Variants in ST3GAL4 observed in about 807,000 individuals in gnomAD.
ST3GAL4 encodes CMP-N-acetylneuraminate-beta-galactosamide-alpha-2,3-sialyltransferase 4.
A neutral mutation model predicts 42.6 loss-of-function variants in ST3GAL4; 24 were observed. That is an observed-to-expected ratio of 0.56 (90% confidence interval 0.41 to 0.79). ST3GAL4 has a LOEUF of 0.79. Among genes scored for constraint, ST3GAL4 ranks in the 30% least tolerant of loss-of-function variants. ST3GAL4 has a pLI of 0.00. For synonymous variants in ST3GAL4, 135 were observed against 163.2 expected, an observed-to-expected ratio of 0.83 and a Z score of 1.32; for missense variants, 311 against 430.8, an observed-to-expected ratio of 0.72 and a Z score of 2.46.
intron 1 of ST3GAL4, among the ~76,000 whole-genome samples, chr11:126,402,486 T>G (rs1954050160): frequency 6.8e-6 from 1 of 147,792 alleles, no homozygotes; most frequent in East Asian, 2.0e-4. Flanking sequence ...GAAGAAGAAC[T>G]GAGGACAGTA....
intron 10 of ST3GAL4, 107 bp downstream of exon 10, chr11:126,413,755 C>T: frequency 6.5e-7 from 1 of 1,532,504 alleles, no homozygotes; most frequent in Non-Finnish European, 8.9e-7. Flanking sequence ...GTGGCTCCCG[C>T]AGTCAGAACT....
intron 1 of ST3GAL4, among the ~76,000 whole-genome samples, chr11:126,369,598 G>A (rs541794775): frequency 2.0e-5 from 3 of 152,226 alleles, no homozygotes; most frequent in African/African-American, 4.8e-5. Context: ...CCTGAGACCC[G>A]GAAAGGTCAT....
chr11:126,391,963 GTGTGTGTGTA>G lies in ST3GAL4; in HGVS notation c.-60-14117_-60-14108del, dbSNP rs1378137821. Among the ~76,000 whole-genome samples, 319 of 151,098 alleles carry G rather than the reference GTGTGTGTGTA, an allele frequency of 2.1e-3. 3 individuals are homozygous for G. Among genetic ancestry groups the G allele is most frequent in the African/African-American group, 6.2e-3 (253 of 40,774 alleles). ...TGTGTGTGTGTGTGTGTGTGTGTGT[GTGTGTGTGTA>G]TGTGTGTGTATGTGTATATATAAAA... On this transcript the variant is annotated intron_variant, in intron 1 of 10. Coordinates refer to ENST00000444328, the MANE Select transcript of ST3GAL4 (RefSeq NM_001254757.2). This position sits in a 1 kb window ranked among gnomAD's most constrained non-coding sequence, Gnocchi z 5.5.
Position 126,397,810 on chromosome 11 carries a change from C to G in ST3GAL4, c.-60-8286C>G, listed in dbSNP as rs11827374. Among the ~76,000 whole-genome samples, 1 of 152,106 alleles carries G rather than the reference C, an allele frequency of 6.6e-6. No homozygotes were observed. Among genetic ancestry groups the G allele is most frequent in the African/African-American group, 2.4e-5 (1 of 41,424 alleles). On this transcript the variant is annotated intron_variant, in intron 1 of 10. Transcript: ENST00000444328. This position sits in a 1 kb window ranked among gnomAD's most constrained non-coding sequence, Gnocchi z 5.0. ...AGAGAGCAGGAAGGGGCCTAATTGTCCTTTTATAAGGAACCCACTCCTGTA... is the reference window on the plus strand; with the variant it reads ...AGAGAGCAGGAAGGGGCCTAATTGTGCTTTTATAAGGAACCCACTCCTGTA...
chr11:126,408,575 T>C, intron 8 of ST3GAL4, 79 bp downstream of exon 8: 1 of 1,524,926 alleles, frequency 6.6e-7, no homozygotes, highest in Non-Finnish European at 8.9e-7. Context: ...CTCCTTGATG[T>C]CCGCCTGGCA....
chr11:126,366,714 C>G lies in ST3GAL4; in HGVS notation c.-61+10872C>G, dbSNP rs892748848. Among the ~76,000 whole-genome samples the G allele has an allele frequency of 6.6e-6, 1 of 152,190 alleles. No homozygotes were observed. Among genetic ancestry groups the G allele is most frequent in the Non-Finnish European group, 1.5e-5 (1 of 68,038 alleles). Reference sequence around the variant, plus strand: ...CAGGTCTGGAAACATCCTTGTTCATCAAGCACCAGGCTGACCATGGTGTCC... The same window carrying G: ...CAGGTCTGGAAACATCCTTGTTCATGAAGCACCAGGCTGACCATGGTGTCC... On this transcript the variant is annotated intron_variant, in intron 1 of 10. Coordinates refer to ENST00000444328, the MANE Select transcript of ST3GAL4 (RefSeq NM_001254757.2). This position sits in a 1 kb window ranked among gnomAD's most constrained non-coding sequence, Gnocchi z 4.2.
At chr11:126,408,254 G>A (rs943641157) in intron 7 of ST3GAL4, 53 bp from the exon 8 acceptor site, 1 of 1,612,672 alleles carries the variant, frequency 6.2e-7, no homozygotes, top group African/African-American at 1.3e-5. Flanking sequence ...GCCAGGGACT[G>A]TAGACAGGCC....
rs772697675 is a variant in ST3GAL4 at position 126,408,202 on chromosome 11, T to C, written c.437+8T>C. On this transcript the variant is annotated splice_region_variant and intron_variant, in intron 7 of 10. Transcript: ENST00000444328. ...GTACGATGTGGTCATCAGGTGTGTGTGACTGTCTCTTCCTACTGTTGTTTG... is the reference window on the plus strand; with the variant it reads ...GTACGATGTGGTCATCAGGTGTGTGCGACTGTCTCTTCCTACTGTTGTTTG... 1 of 1,614,076 alleles carries C rather than the reference T, an allele frequency of 6.2e-7. No individual in the cohort carries two copies. The highest frequency in any genetic ancestry group is 8.5e-7 in the Non-Finnish European group (1 of 1,179,950).
chr11:126,387,764 TTTCTC>T (rs71886473), intron 1 of ST3GAL4, among the ~76,000 whole-genome samples: 18,633 of 152,032 alleles, frequency 0.12, 1,250 homozygotes, highest in Middle Eastern at 0.17. Flanking sequence ...CCCCAGGACT[TTTCTC>T]TTGAGAGGCC....
In ST3GAL4 at chr11:126,383,107, G is replaced by A. The variant is rs2135448952; in HGVS notation, c.-60-22989G>A. On this transcript the variant is annotated intron_variant, in intron 1 of 10. Coordinates refer to ENST00000444328, the MANE Select transcript of ST3GAL4 (RefSeq NM_001254757.2). The surrounding 1 kb of genome is among the most constrained non-coding windows in gnomAD (Gnocchi z 4.5). ...GGCAGCAGGCTCTGCAGTACCCTCG[G>A]CCAAATGGCCACAGGCTGCCCTGGG... 6.6e-6 allele frequency among the ~76,000 whole-genome samples: 1 copy of A among 152,302 alleles called. No individual in the cohort carries two copies. Among genetic ancestry groups the A allele is most frequent in the South Asian group, 2.1e-4 (1 of 4,832 alleles).
intron 1 of ST3GAL4, among the ~76,000 whole-genome samples, chr11:126,375,282 A>G (rs566276319): frequency 6.6e-6 from 1 of 152,344 alleles, no homozygotes; most frequent in Admixed American, 6.5e-5. Flanking sequence ...TGTGGGGGCT[A>G]GAGACTGTGT....
Position 126,359,241 on chromosome 11 carries a change from C to T in ST3GAL4, c.-61+3399C>T, listed in dbSNP as rs1353237118. ...TAATGAAAATGGCCTCAGCAAATAA[C>T]AAAAATATTACCATTTAGCAATCAG... On this transcript the variant is annotated intron_variant, in intron 1 of 10. Transcript: ENST00000444328. This position sits in a 1 kb window ranked among gnomAD's most constrained non-coding sequence, Gnocchi z 4.8. Among the ~76,000 whole-genome samples the T allele has an allele frequency of 2.7e-5, 4 of 150,818 alleles. No individual in the cohort carries two copies. Among genetic ancestry groups the T allele is most frequent in the Non-Finnish European group, 4.4e-5 (3 of 67,830 alleles).
In ST3GAL4 at chr11:126,373,494, C is replaced by G. The variant is rs778376308; in HGVS notation, c.-61+17652C>G. 1.3e-5 allele frequency among the ~76,000 whole-genome samples: 2 copies of G among 152,184 alleles called. No individual in the cohort carries two copies. The highest frequency in any genetic ancestry group is 2.9e-5 in the Non-Finnish European group (2 of 68,020). On this transcript the variant is annotated intron_variant, in intron 1 of 10. Coordinates refer to ENST00000444328, the MANE Select transcript of ST3GAL4 (RefSeq NM_001254757.2). The surrounding 1 kb of genome is among the most constrained non-coding windows in gnomAD (Gnocchi z 5.5). ...TGGAATTCAAAGCCTCTGCCCCTCC[C>G]AGGCAGACACCAAGGTATGATTTTC...
chr11:126,401,564 A>T (rs1162206048), intron 1 of ST3GAL4, among the ~76,000 whole-genome samples: 1 of 151,286 alleles, frequency 6.6e-6, no homozygotes, highest in African/African-American at 2.4e-5. Flanking sequence ...TCAGAAAAAA[A>T]AAAAGAAGAA....
chr11:126,413,858 G>A, intron 10 of ST3GAL4, 103 bp from the exon 11 acceptor site: 1 of 1,442,846 alleles, frequency 6.9e-7, no homozygotes, highest in Non-Finnish European at 9.6e-7. Context: ...GGGGAAGGGA[G>A]CTCCCAAGAA....
intron 1 of ST3GAL4, chr11:126,356,362 C>T (rs1214463222): frequency 6.6e-6 from 1 of 152,408 alleles, no homozygotes; most frequent in Non-Finnish European, 1.5e-5. Flanking sequence ...TTATGGGGGT[C>T]GTCAGGCCTA....
chr11:126,370,324 A>G (rs952516214), intron 1 of ST3GAL4, among the ~76,000 whole-genome samples: 12 of 152,198 alleles, frequency 7.9e-5, no homozygotes, highest in African/African-American at 2.9e-4. Context: ...TGCTGTTACT[A>G]TTTGTGAAAA....
In ST3GAL4 at chr11:126,376,014, A is replaced by C. The variant is rs564524803; in HGVS notation, c.-61+20172A>C. The stretch of plus-strand genomic sequence containing the variant: ...TATTATTGTTTGTCAAATGTGTATA[A>C]AACATCTGCCACATTCTTGGCAGTT... On this transcript the variant is annotated intron_variant, in intron 1 of 10. Coordinates refer to ENST00000444328, the MANE Select transcript of ST3GAL4 (RefSeq NM_001254757.2). This position sits in a 1 kb window ranked among gnomAD's most constrained non-coding sequence, Gnocchi z 5.1. 6.6e-6 allele frequency among the ~76,000 whole-genome samples: 1 copy of C among 152,270 alleles called. No homozygotes were observed. The highest frequency in any genetic ancestry group is 6.5e-5 in the Admixed American group (1 of 15,290).
intron 1 of ST3GAL4, among the ~76,000 whole-genome samples, chr11:126,385,039 G>A (rs2135456658): frequency 6.6e-6 from 1 of 152,244 alleles, no homozygotes; most frequent in East Asian, 1.9e-4. Flanking sequence ...TTAAATACCA[G>A]GATATGTTTT....
Sources: allele counts gnomAD v4.1 joint callset (sites outside exome capture counted in the v4.1 genomes callset), GRCh38; gene constraint gnomAD v4.1.1; non-coding constraint Gnocchi (gnomAD v3.1); transcripts MANE v1.5; gene names NCBI Gene and HGNC (gene_info 2026-07-23, HGNC 2026-07-21).